The following DPYD variants were observed in gnomAD, a reference collection of about 807,000 sequenced individuals.
DPYD encodes dihydropyrimidine dehydrogenase.
DPYD carries 109 observed loss-of-function variants against 116.2 expected under a neutral mutation model. That is an observed-to-expected ratio of 0.94 (90% CI 0.80 to 1.10). The LOEUF is 1.10. Among genes scored for constraint, DPYD ranks in the 50% least tolerant of loss-of-function variants. DPYD has a pLI of 0.00. For synonymous variants in DPYD, 440 were observed against 432.0 expected (o/e 1.02, Z -0.23); for missense variants, 1,302 against 1,254.5 (o/e 1.04, Z -0.57).
intron 12 of DPYD, among the ~76,000 whole-genome samples, chr1:97,537,918 C>A (rs1650138045): frequency 6.6e-6 from 1 of 152,124 alleles, no homozygotes; most frequent in South Asian, 2.1e-4. Flanking sequence ...ACCAACAAAA[C>A]TAACTGGGCG....
chr1:97,669,057 A>T (rs1659718423), intron 8 of DPYD, among the ~76,000 whole-genome samples: 1 of 150,108 alleles, frequency 6.7e-6, no homozygotes, highest in Non-Finnish European at 1.5e-5. Flanking sequence ...CAAAATGAAC[A>T]TCTGTTAACT....
chr1:97,477,329 G>A (rs931555377), intron 13 of DPYD, among the ~76,000 whole-genome samples: 7 of 152,146 alleles, frequency 4.6e-5, no homozygotes, highest in Admixed American at 3.3e-4. Flanking sequence ...GTTTTATCAT[G>A]AGATTGCAGG....
chr1:97,711,699 A>G (rs1305666993), intron 5 of DPYD, among the ~76,000 whole-genome samples: 1 of 151,982 alleles, frequency 6.6e-6, no homozygotes, highest in Non-Finnish European at 1.5e-5. Context: ...TTTTGAGTAA[A>G]TTTATGTTGT....
At chr1:97,080,767 T>G (rs1193417393) in intron 22 of DPYD, among the ~76,000 whole-genome samples, 1 of 152,178 alleles carries the variant, frequency 6.6e-6, no homozygotes, top group Non-Finnish European at 1.5e-5. Context: ...TATGTTCAAT[T>G]AAAAATTTTG....
At chr1:97,639,884 C>A (rs1053697828) in intron 8 of DPYD, among the ~76,000 whole-genome samples, 1 of 152,164 alleles carries the variant, frequency 6.6e-6, no homozygotes, top group Non-Finnish European at 1.5e-5. Context: ...TGACGCAGAA[C>A]ATGCCTATTC....
intron 12 of DPYD, among the ~76,000 whole-genome samples, chr1:97,543,911 G>A (rs933823146): frequency 6.6e-6 from 1 of 152,162 alleles, no homozygotes; most frequent in African/African-American, 2.4e-5. Flanking sequence ...TGGACGAGGA[G>A]GAGAAAGCCA....
intron 18 of DPYD, among the ~76,000 whole-genome samples, chr1:97,274,512 C>A (rs1400305845): frequency 1.3e-5 from 2 of 152,090 alleles, no homozygotes; most frequent in Non-Finnish European, 2.9e-5. Flanking sequence ...GTCTGCAGAA[C>A]CTGGAAACAA....
At chr1:97,903,961 C>T (rs1673486383) in intron 1 of DPYD, among the ~76,000 whole-genome samples, 1 of 151,810 alleles carries the variant, frequency 6.6e-6, no homozygotes. Flanking sequence ...GAGGTGAAAG[C>T]TAGACCCAGT....
intron 19 of DPYD, among the ~76,000 whole-genome samples, chr1:97,202,622 T>C (rs1017501259): frequency 1.1e-4 from 16 of 152,212 alleles, no homozygotes; most frequent in Admixed American, 3.3e-4. Context: ...AGAAGAGCAT[T>C]TGTGAGACTG....
intron 18 of DPYD, among the ~76,000 whole-genome samples, chr1:97,252,329 G>A (rs1460075613): frequency 2.0e-5 from 3 of 152,166 alleles, no homozygotes; most frequent in Non-Finnish European, 1.5e-5. Flanking sequence ...GCAAGAAGAG[G>A]AGACAGCCTA....
intron 11 of DPYD, among the ~76,000 whole-genome samples, chr1:97,556,152 C>G (rs1254238260): frequency 6.6e-6 from 1 of 152,076 alleles, no homozygotes; most frequent in Non-Finnish European, 1.5e-5. Flanking sequence ...GTTGGACAGG[C>G]ACCTAAGGTG....
At chr1:97,340,087 T>C (rs1177528922) in intron 16 of DPYD, among the ~76,000 whole-genome samples, 1 of 151,942 alleles carries the variant, frequency 6.6e-6, no homozygotes, top group African/African-American at 2.4e-5. Flanking sequence ...TTAAGAGACT[T>C]TTAAAAAAGG....
At chr1:97,691,826 G>C in intron 6 of DPYD, 28 bp from the exon 7 acceptor site, 2 of 1,589,200 alleles carry the variant, frequency 1.3e-6, no homozygotes, top group East Asian at 2.2e-5. Context: ...AGAAAAACAG[G>C]CATCAGTAGA....
Position 97,796,204 on chromosome 1 carries a change from T to C in DPYD, c.233+31910A>G, listed in dbSNP as rs151245548. 2.8e-3 allele frequency among the ~76,000 whole-genome samples: 419 copies of C among 152,220 alleles called. 2 individuals are homozygous for C. The highest frequency in any genetic ancestry group is 8.9e-3 in the African/African-American group (372 of 41,580). ...TCACACATATCTCTTTTAATCCACA[T>C]ACCAATTCTGTTAGGTAGGCATTAT... On this transcript the variant is annotated intron_variant, in intron 3 of 22. Transcript: ENST00000370192.
At chr1:97,732,029 C>A (rs1247911253) in intron 4 of DPYD, among the ~76,000 whole-genome samples, 1 of 152,074 alleles carries the variant, frequency 6.6e-6, no homozygotes, top group Non-Finnish European at 1.5e-5. Flanking sequence ...AAAATCCTTT[C>A]TCATTTATAC....
chr1:97,483,671 T>C (rs575594925), intron 13 of DPYD, among the ~76,000 whole-genome samples: 1 of 152,112 alleles, frequency 6.6e-6, no homozygotes, highest in African/African-American at 2.4e-5. Context: ...AAAAAAGAGA[T>C]GTGGCTTTTA....
chr1:97,568,371 G>A (rs962679268), intron 11 of DPYD, among the ~76,000 whole-genome samples: 2 of 151,832 alleles, frequency 1.3e-5, no homozygotes, highest in South Asian at 2.1e-4. Context: ...TATATGCTAC[G>A]CCTATATGTA....
At chr1:97,261,268 T>C (rs1335261886) in intron 18 of DPYD, among the ~76,000 whole-genome samples, 3 of 152,074 alleles carry the variant, frequency 2.0e-5, no homozygotes, top group Non-Finnish European at 2.9e-5. Context: ...AGCTAATGGA[T>C]GCCTCTATGC....
chr1:97,689,804 C>G (rs1388653026), intron 7 of DPYD, among the ~76,000 whole-genome samples: 1 of 152,052 alleles, frequency 6.6e-6, no homozygotes, highest in Non-Finnish European at 1.5e-5. Context: ...GCAAGAGTAT[C>G]TCATCAAAGG....
Sources: allele counts gnomAD v4.1 joint callset (sites outside exome capture counted in the v4.1 genomes callset), GRCh38; gene constraint gnomAD v4.1.1; transcripts MANE v1.5; gene names NCBI Gene and HGNC (gene_info 2026-07-23, HGNC 2026-07-21).